The following TRIO variants were observed in gnomAD, a reference collection of about 807,000 sequenced individuals.
TRIO encodes triple functional domain protein.
Under a neutral mutation model 351.9 loss-of-function variants are expected in TRIO, and 58 were observed. That is an observed-to-expected ratio of 0.16 (90% CI 0.13 to 0.21). TRIO has a LOEUF of 0.21. TRIO is among the 10% of genes least tolerant of loss of function. The pLI, the probability that TRIO is intolerant of heterozygous loss-of-function variation, is 1.00. For missense variants in TRIO, 3,201 were observed against 4,027.8 expected, an observed-to-expected ratio of 0.79 and a Z score of 5.56; for synonymous variants, 1,758 against 1,595.7, an observed-to-expected ratio of 1.10 and a Z score of -2.42.
In TRIO at chr5:14,369,395, C is replaced by G; in HGVS notation, c.3088C>G (p.Leu1030Val). ...SEQVCSVLES[L>V]EQEYKREEDW... ...ACAGGTCTGCAGCGTCCTCGAGAGC[C>G]TGGAACAGGAGTACAAGAGAGAAGA... Residue 1030 changes from leucine to valine, a missense_variant, in exon 18 of 57, where the codon CTG becomes GTG. By Grantham distance (32) the Leu-to-Val change is conservative. Transcript: ENST00000344204. 6.2e-7 allele frequency: 1 copy of G among 1,613,834 alleles called. No individual in the cohort carries two copies. Among genetic ancestry groups the G allele is most frequent in the Non-Finnish European group, 8.5e-7 (1 of 1,179,898 alleles).
At chr5:14,354,817 A>G (rs1743469553) in intron 11 of TRIO, among the ~76,000 whole-genome samples, 1 of 152,134 alleles carries the variant, frequency 6.6e-6, no homozygotes, top group African/African-American at 2.4e-5. Flanking sequence ...TACTATAGTT[A>G]TCACAGGCAG....
At chr5:14,365,973 C>T (rs1024634414) in intron 15 of TRIO, among the ~76,000 whole-genome samples, 1 of 152,208 alleles carries the variant, frequency 6.6e-6, no homozygotes, top group South Asian at 2.1e-4. Context: ...GCTTTGCTTT[C>T]ATTGGCTAGA....
At chr5:14,430,793 G>A (rs373921752) in intron 34 of TRIO, among the ~76,000 whole-genome samples, 14 of 151,764 alleles carry the variant, frequency 9.2e-5, no homozygotes, top group Admixed American at 4.6e-4. Context: ...CCGGCTCACC[G>A]CAATCTCCGC....
At chr5:14,494,970 G>A (rs1756768454) in intron 49 of TRIO, among the ~76,000 whole-genome samples, 1 of 152,212 alleles carries the variant, frequency 6.6e-6, no homozygotes, top group Non-Finnish European at 1.5e-5. Flanking sequence ...TGCCTCCAGT[G>A]GATCTGGGCA....
At chr5:14,214,986 A>G (rs901494787) in intron 1 of TRIO, among the ~76,000 whole-genome samples, 3 of 152,234 alleles carry the variant, frequency 2.0e-5, no homozygotes, top group Non-Finnish European at 4.4e-5. Context: ...AAGTAAAATG[A>G]TGAGAAATTT....
At position 14,487,654 on chromosome 5, in the gene TRIO, C is replaced by A; in HGVS notation, c.7026C>A (p.Pro2342=). The change falls in exon 48 of 57, where the codon CCC becomes CCA. Residue 2342 remains proline (P), a synonymous_variant. Coordinates refer to ENST00000344204, the MANE Select transcript of TRIO (RefSeq NM_007118.4). ...STSRSRPSRI[P]QPVRHHPPVL... ...GCAGGAGCCGGCCCTCCCGGATCCC[C>A]CAGCCTGTCCGACACCACCCCCCCG... 2 of 1,337,912 alleles carry A rather than the reference C, an allele frequency of 1.5e-6. No individual in the cohort carries two copies. The highest frequency in any genetic ancestry group is 3.3e-5 in the East Asian group (1 of 30,364). 82.9% of individuals were successfully genotyped at this position (1,337,912 alleles called of 1,614,324 possible).
chr5:14,446,476 A>T (rs936815194), intron 34 of TRIO, among the ~76,000 whole-genome samples: 1 of 152,172 alleles, frequency 6.6e-6, no homozygotes, highest in Non-Finnish European at 1.5e-5. Flanking sequence ...ATGCAGTGCC[A>T]TTCAGTGCAT....
chr5:14,485,672 C>T (rs901666037), intron 47 of TRIO, among the ~76,000 whole-genome samples: 1 of 152,134 alleles, frequency 6.6e-6, no homozygotes, highest in Admixed American at 6.5e-5. Context: ...CACACCCACA[C>T]CTCCTTTCCC....
chr5:14,488,379 G>A (rs1756202567), intron 48 of TRIO, 119 bp downstream of exon 48: 6 of 1,421,334 alleles, frequency 4.2e-6, no homozygotes, highest in East Asian at 2.5e-5. Flanking sequence ...CGCCCGTTGC[G>A]GCCTCTACCT....
intron 34 of TRIO, among the ~76,000 whole-genome samples, chr5:14,440,248 C>T (rs748222877): frequency 5.3e-5 from 8 of 152,188 alleles, no homozygotes; most frequent in Non-Finnish European, 7.3e-5. Flanking sequence ...CTCAGAGCCA[C>T]ACTACAGGTT....
At chr5:14,293,270 G>C (rs1392794596) in intron 6 of TRIO, 136 bp downstream of exon 6, 1 of 1,242,428 alleles carries the variant, frequency 8.0e-7, no homozygotes, top group Non-Finnish European at 1.1e-6. Flanking sequence ...CCTTCACATG[G>C]AGGGTGTTCC....
chr5:14,188,866 G>C (rs942777476), intron 1 of TRIO, among the ~76,000 whole-genome samples: 9 of 152,210 alleles, frequency 5.9e-5, no homozygotes, highest in African/African-American at 2.2e-4. Flanking sequence ...AGAATATGGT[G>C]ATGTAGTTCA....
intron 1 of TRIO, among the ~76,000 whole-genome samples, chr5:14,194,735 T>C (rs115649484): frequency 6.6e-6 from 1 of 152,246 alleles, no homozygotes; most frequent in Non-Finnish European, 1.5e-5. Context: ...TAAGTCTGTA[T>C]TTATTTTTAC....
intron 13 of TRIO, among the ~76,000 whole-genome samples, chr5:14,362,856 G>C (rs1315319984): frequency 6.6e-6 from 1 of 152,108 alleles, no homozygotes; most frequent in African/African-American, 2.4e-5. Flanking sequence ...TTGCTTATGA[G>C]AATGTGAAAA....
intron 11 of TRIO, among the ~76,000 whole-genome samples, chr5:14,345,019 G>A (rs1018859311): frequency 6.6e-6 from 1 of 152,074 alleles, no homozygotes; most frequent in Non-Finnish European, 1.5e-5. Context: ...CATGTATAAA[G>A]CATTTGTACT....
rs30769 is a variant in TRIO at position 14,377,853 on chromosome 5, A to C, written c.3332-159A>C. On this transcript the variant is annotated intron_variant, in intron 19 of 56. Coordinates refer to ENST00000344204, the MANE Select transcript of TRIO (RefSeq NM_007118.4). ...AGGTGAGAGTGAGAAGAGGTCTGGTAGACATGCTCACTGAGACAGGAAAGC... is the reference window on the plus strand; with the variant it reads ...AGGTGAGAGTGAGAAGAGGTCTGGTCGACATGCTCACTGAGACAGGAAAGC... Among the ~76,000 whole-genome samples the C allele has an allele frequency of 0.87, 133,139 of 152,242 alleles. 58,645 individuals carry two copies. The highest frequency in any genetic ancestry group is 0.96 in the African/African-American group (39,993 of 41,548).
chr5:14,470,137 T>C (rs1428416591), intron 37 of TRIO, among the ~76,000 whole-genome samples: 2 of 152,222 alleles, frequency 1.3e-5, no homozygotes, highest in Non-Finnish European at 2.9e-5. Context: ...ACTAACTTAA[T>C]GTCCTGTTTT....
At chr5:14,453,998 T>G (rs1187738351) in intron 34 of TRIO, among the ~76,000 whole-genome samples, 2 of 152,112 alleles carry the variant, frequency 1.3e-5, no homozygotes, top group Non-Finnish European at 2.9e-5. Flanking sequence ...GGCACAATTC[T>G]GGCTCACTGC....
Position 14,498,100 on chromosome 5 carries a change from T to A in TRIO, c.8059T>A (p.Phe2687Ile). ...CCTTTCCCATGCAGTTCCCCCAGAA[T>A]TCGTCATTCCATTGAGTGAGGTCAC... ...PNYIYDVPPE[F>I]VIPLSEVTCE... The change falls in exon 52 of 57, where the codon TTC becomes ATC. Residue 2687 changes from phenylalanine to isoleucine, a missense_variant. Phe to Ile is a conservative substitution (Grantham distance 21). Around this residue, in one of 19 missense-constraint regions of TRIO, gnomAD observed 1,089 missense variants for 954.9 expected, o/e 1.14. Coordinates refer to ENST00000344204, the MANE Select transcript of TRIO (RefSeq NM_007118.4). 3.1e-6 allele frequency: 5 copies of A among 1,614,188 alleles called. No individual in the cohort carries two copies. The highest frequency in any genetic ancestry group is 4.2e-6 in the Non-Finnish European group (5 of 1,180,034).
Sources: gnomAD v4.1 joint callset for allele counts (sites outside exome capture counted in the v4.1 genomes callset) on GRCh38, gnomAD v4.1.1 for gene constraint, gnomAD v4.1.1 regional missense constraint, MANE v1.5 for transcripts, NCBI Gene and HGNC (gene_info 2026-07-23, HGNC 2026-07-21) for gene names.